Variants in TMEM131L observed in about 807,000 individuals in gnomAD.
TMEM131L encodes transmembrane protein 131-like.
Under a neutral mutation model 192.2 loss-of-function variants are expected in TMEM131L, and 54 were observed. The observed-to-expected ratio is 0.28, with a 90% CI of 0.23 to 0.35. The LOEUF (loss-of-function observed/expected upper bound fraction) is 0.35, where lower values mean the gene tolerates loss of function less well. Among genes scored for constraint, TMEM131L ranks in the 10% least tolerant of loss-of-function variants. The pLI is 1.00. For missense variants in TMEM131L, 1,888 were observed against 1,972.9 expected (o/e 0.96, Z 0.82); for synonymous variants, 701 against 704.9 (o/e 0.99, Z 0.09).
At chr4:153,569,909 G>A (rs575463919) in intron 7 of TMEM131L, among the ~76,000 whole-genome samples, 3 of 152,272 alleles carry the variant, frequency 2.0e-5, no homozygotes, top group Admixed American at 2.0e-4. Flanking sequence ...AACCCCCAAC[G>A]GGACATGAAA....
chr4:153,555,895 G>A lies in TMEM131L; in HGVS notation c.417G>A (p.Pro139=), dbSNP rs966420456. Residue 139 remains proline (P), a synonymous_variant, in exon 5 of 35, where the codon CCG becomes CCA. Transcript: ENST00000409959. The surrounding 1 kb of genome is among the most constrained non-coding windows in gnomAD (Gnocchi z 4.1). ...VFAAAGHFHV[P]PVPCRVIPAM... is the part of the protein sequence containing the mutation. ...CAGCTGCTGGACATTTCCATGTACC[G>A]CCAGTTCCCTGCAGGGTGGGTGTTG... 11 of 1,551,144 alleles carry A rather than the reference G, an allele frequency of 7.1e-6. No individual in the cohort carries two copies. Among genetic ancestry groups the A allele is most frequent in the African/African-American group, 5.5e-5 (4 of 72,996 alleles).
Position 153,584,909 on chromosome 4 carries a change from C to A in TMEM131L, c.1135C>A (p.Leu379Ile). 2 of 1,613,698 alleles carry A rather than the reference C, an allele frequency of 1.2e-6. No homozygotes were observed. The highest frequency in any genetic ancestry group is 2.2e-5 in the South Asian group (2 of 91,088). The change falls in exon 12 of 35, where the codon CTC becomes ATC. Residue 379 changes from leucine to isoleucine, a missense_variant. Transcript: ENST00000409959. ...ACACACTCCAACACTAAAAGCATGC[C>A]TCTTCTCTTCTGTGGCTCAGGGGTA... The part of the protein sequence containing the change: ...TTHTPTLKAC[L>I]FSSVAQGYFR...
intron 3 of TMEM131L, among the ~76,000 whole-genome samples, chr4:153,521,251 G>A (rs746557992): frequency 6.6e-6 from 1 of 152,188 alleles, no homozygotes; most frequent in Non-Finnish European, 1.5e-5. Context: ...GGCTGTCAGG[G>A]ATAATGGTGC....
chr4:153,602,388 T>C (rs540852993), intron 22 of TMEM131L, 50 bp downstream of exon 22: 12 of 1,577,926 alleles, frequency 7.6e-6, no homozygotes, highest in Admixed American at 1.9e-5. Context: ...CGTTTAACAA[T>C]GTGAGGAGGA....
Position 153,555,471 on chromosome 4 carries a change from G to GGGTTT in TMEM131L, c.309-316_309-315insGGTTT, listed in dbSNP as rs1561187972. Reference sequence around the variant, plus strand: ...GAGAAGTGCCAGTGAGTGCCTACATGTGTTTTGTTTTGTTTTTTTGCAAGC... The same window carrying GGGTTT: ...GAGAAGTGCCAGTGAGTGCCTACATGGGTTTTGTTTTGTTTTGTTTTTTTGCAAGC... On this transcript the variant is annotated intron_variant, in intron 4 of 34. Transcript: ENST00000409959. This position sits in a 1 kb window ranked among gnomAD's most constrained non-coding sequence, Gnocchi z 4.1. 6.6e-6 allele frequency among the ~76,000 whole-genome samples: 1 copy of GGGTTT among 152,090 alleles called. No individual in the cohort carries two copies. Among genetic ancestry groups the GGGTTT allele is most frequent in the East Asian group, 1.9e-4 (1 of 5,204 alleles).
intron 3 of TMEM131L, among the ~76,000 whole-genome samples, chr4:153,544,824 G>A (rs1737051749): frequency 6.6e-6 from 1 of 152,180 alleles, no homozygotes; most frequent in Admixed American, 6.5e-5. Flanking sequence ...AGCCTCCTGG[G>A]TGGTAAGCCT....
At chr4:153,618,537 G>A (rs910025826) in intron 26 of TMEM131L, among the ~76,000 whole-genome samples, 19 of 149,458 alleles carry the variant, frequency 1.3e-4, no homozygotes, top group African/African-American at 3.9e-4. Flanking sequence ...TAATGATGAC[G>A]ATAACTAAGT....
chr4:153,485,187 C>A (rs958491640), intron 3 of TMEM131L, among the ~76,000 whole-genome samples: 2 of 147,548 alleles, frequency 1.4e-5, no homozygotes, highest in Admixed American at 6.8e-5. Context: ...ACTGTTGATT[C>A]GTTTTTATTA....
chr4:153,505,906 C>A (rs1175940455), intron 3 of TMEM131L, among the ~76,000 whole-genome samples: 1 of 151,960 alleles, frequency 6.6e-6, no homozygotes, highest in Non-Finnish European at 1.5e-5. Context: ...GCTGCCTGGC[C>A]AGAGCAGGGG....
intron 3 of TMEM131L, among the ~76,000 whole-genome samples, chr4:153,530,495 T>C (rs1028135516): frequency 2.0e-5 from 3 of 152,128 alleles, no homozygotes; most frequent in African/African-American, 7.2e-5. Context: ...ACTTGAGGGT[T>C]GTTAGAGACT....
chr4:153,587,671 A>G, intron 14 of TMEM131L, 71 bp from the exon 15 acceptor site: 2 of 1,132,396 alleles, frequency 1.8e-6, no homozygotes, highest in Non-Finnish European at 2.7e-6. Flanking sequence ...TCTGCTTTGA[A>G]TTTTAGTGCA....
At chr4:153,470,187 A>G in intron 2 of TMEM131L, among the ~76,000 whole-genome samples, 1 of 152,008 alleles carries the variant, frequency 6.6e-6, no homozygotes, top group Non-Finnish European at 1.5e-5. Context: ...CCATAAATTC[A>G]CCTGTTTGTC....
rs1177237010 is a variant in TMEM131L at position 153,555,479 on chromosome 4, T to C, written c.309-308T>C. 6.6e-6 allele frequency among the ~76,000 whole-genome samples: 1 copy of C among 152,216 alleles called. No homozygotes were observed. Among genetic ancestry groups the C allele is most frequent in the African/African-American group, 2.4e-5 (1 of 41,462 alleles). On this transcript the variant is annotated intron_variant, in intron 4 of 34. Transcript: ENST00000409959. This position sits in a 1 kb window ranked among gnomAD's most constrained non-coding sequence, Gnocchi z 4.1. ...CCAGTGAGTGCCTACATGTGTTTTG[T>C]TTTGTTTTTTTGCAAGCATTTTAAT...
At chr4:153,622,535 A>G (rs1191324269) in intron 28 of TMEM131L, among the ~76,000 whole-genome samples, 1 of 152,202 alleles carries the variant, frequency 6.6e-6, no homozygotes, top group East Asian at 1.9e-4. Context: ...CTCTTAGTGG[A>G]TATCTTATTA....
intron 26 of TMEM131L, among the ~76,000 whole-genome samples, chr4:153,612,789 G>A (rs1301543223): frequency 6.6e-6 from 1 of 151,980 alleles, no homozygotes; most frequent in Non-Finnish European, 1.5e-5. Context: ...ATCGTCTTCT[G>A]TCTAAAAGAT....
Position 153,581,572 on chromosome 4 carries a change from T to A in TMEM131L, c.892+12T>A, listed in dbSNP as rs1335158020. ...ATCTGAGACCTCAGGTAAGGTGGAA[T>A]GTTTAAAAATTTTATTATATTTTCA... On this transcript the variant is annotated intron_variant, in intron 9 of 34. Transcript: ENST00000409959. 6.6e-7 allele frequency: 1 copy of A among 1,509,874 alleles called. No homozygotes were observed. Among genetic ancestry groups the A allele is most frequent in the East Asian group, 2.4e-5 (1 of 42,392 alleles). 93.5% of individuals were successfully genotyped at this position (1,509,874 alleles called of 1,614,324 possible).
At chr4:153,580,397 A>G (rs889509484) in intron 7 of TMEM131L, among the ~76,000 whole-genome samples, 2 of 151,772 alleles carry the variant, frequency 1.3e-5, no homozygotes, top group African/African-American at 4.8e-5. Context: ...TTTCTAGGTC[A>G]TTGTACTGAT....
chr4:153,557,286 G>A (rs897441163), intron 6 of TMEM131L, among the ~76,000 whole-genome samples: 3 of 152,116 alleles, frequency 2.0e-5, no homozygotes, highest in Non-Finnish European at 2.9e-5. Context: ...TACTGATGAC[G>A]GAGCTATAGT....
intron 19 of TMEM131L, 72 bp from the exon 20 acceptor site, chr4:153,596,186 C>G (rs1236631935): frequency 1.9e-6 from 3 of 1,551,084 alleles, no homozygotes; most frequent in African/African-American, 2.7e-5. Flanking sequence ...TGTTTAAACT[C>G]TAGGATGCAC....
Sources: gnomAD v4.1 joint callset for allele counts (sites outside exome capture counted in the v4.1 genomes callset) on GRCh38, gnomAD v4.1.1 for gene constraint, Gnocchi (gnomAD v3.1) non-coding constraint, MANE v1.5 for transcripts, NCBI Gene and HGNC (gene_info 2026-07-23, HGNC 2026-07-21) for gene names.